Variants in DCAF1 observed in about 807,000 individuals in gnomAD.
DCAF1 encodes DDB1- and CUL4-associated factor 1.
In DCAF1, 15 loss-of-function variants were observed where a neutral mutation model predicts 128.0. That is an observed-to-expected ratio of 0.12 (90% CI 0.08 to 0.18). DCAF1 has a LOEUF of 0.18. Ranked by LOEUF, DCAF1 falls within the 10% of genes least tolerant of loss-of-function variation. The pLI, the probability that DCAF1 is intolerant of heterozygous loss-of-function variation, is 1.00. For synonymous variants in DCAF1, 610 were observed against 603.0 expected, an observed-to-expected ratio of 1.01 and a Z score of -0.17; for missense variants, 988 against 1,649.5, an observed-to-expected ratio of 0.60 and a Z score of 6.95.
Position 51,433,091 on chromosome 3 carries a change from G to A in DCAF1, c.1287+15C>T, listed in dbSNP as rs1359047254. 5.0e-6 allele frequency: 2 copies of A among 398,266 alleles called. No individual in the cohort carries two copies. The highest frequency in any genetic ancestry group is 8.8e-6 in the Non-Finnish European group (2 of 226,016). The allele number at this position is 398,266 out of a possible 1,614,324, so 24.7% of individuals were successfully genotyped here. The stretch of plus-strand genomic sequence containing the variant: ...AACCTAATCTCATCCCCACAAACCT[G>A]TATAGATGACTTACTCTTTCCATGG... On this transcript the variant is annotated intron_variant, in intron 10 of 24. Transcript: ENST00000684031.
At chr3:51,488,029 T>G (rs1559576761) in intron 2 of DCAF1, among the ~76,000 whole-genome samples, 2 of 151,956 alleles carry the variant, frequency 1.3e-5, no homozygotes, top group African/African-American at 4.8e-5. Flanking sequence ...CATGCCCGGC[T>G]AATTTTTGTA....
chr3:51,464,664 G>C (rs901844548), intron 5 of DCAF1, among the ~76,000 whole-genome samples: 2 of 151,340 alleles, frequency 1.3e-5, no homozygotes, highest in South Asian at 4.2e-4. Flanking sequence ...TGCACTCAGC[G>C]TGAGATGCTG....
chr3:51,485,726 A>G, intron 2 of DCAF1, among the ~76,000 whole-genome samples: 1 of 152,322 alleles, frequency 6.6e-6, no homozygotes, highest in African/African-American at 2.4e-5. Context: ...TCATTATTGC[A>G]TTGCATTATT....
chr3:51,431,750 G>C (rs1459381834), intron 10 of DCAF1, among the ~76,000 whole-genome samples: 6 of 151,370 alleles, frequency 4.0e-5, no homozygotes, highest in African/African-American at 1.5e-4. Flanking sequence ...CCAGGCGTCG[G>C]AGACCAGCCT....
chr3:51,430,686 A>C (rs6779163), intron 10 of DCAF1, among the ~76,000 whole-genome samples: 1,592 of 152,304 alleles, frequency 0.01, 40 homozygotes, highest in African/African-American at 0.035. Context: ...GGTTTCCTTG[A>C]TATTTTTTTC....
intron 2 of DCAF1, among the ~76,000 whole-genome samples, chr3:51,487,707 T>C (rs79023824): frequency 0.074 from 11,172 of 151,942 alleles, 969 homozygotes; most frequent in East Asian, 0.33. Context: ...TTCCTCTCCC[T>C]TTTTTTCTTT....
chr3:51,457,678 C>T (rs1456916404), intron 6 of DCAF1, among the ~76,000 whole-genome samples: 3 of 151,954 alleles, frequency 2.0e-5, no homozygotes, highest in Non-Finnish European at 4.4e-5. Flanking sequence ...GTCGGGTTAC[C>T]CACAAAGGGA....
chr3:51,417,644 C>T (rs1018936020), intron 17 of DCAF1, among the ~76,000 whole-genome samples: 8 of 151,740 alleles, frequency 5.3e-5, no homozygotes, highest in Middle Eastern at 6.9e-3. Context: ...GGTGTGAACC[C>T]GGGAGGCGGA....
rs140918498 is a variant in DCAF1, at chr3:51,462,059, T to C, written c.375+1055A>G. 4.0e-3 allele frequency among the ~76,000 whole-genome samples: 604 copies of C among 150,466 alleles called. 2 individuals are homozygous for C. The highest frequency in any genetic ancestry group is 0.012 in the African/African-American group (488 of 40,988). On this transcript the variant is annotated intron_variant, in intron 6 of 24. Transcript: ENST00000684031. ...CACATGTACCCTAAAACTTAAAGTA[T>C]AATAATAATAAAATTAAAAAAAAAA...
intron 7 of DCAF1, among the ~76,000 whole-genome samples, chr3:51,443,301 C>T (rs1249899143): frequency 2.0e-5 from 3 of 151,892 alleles, no homozygotes; most frequent in Non-Finnish European, 2.9e-5. Context: ...TTAAAAGTAG[C>T]TATTTTCTGC....
Position 51,420,263 on chromosome 3 carries a change from G to A in DCAF1, c.2707C>T (p.Pro903Ser). The A allele has an allele frequency of 2.5e-6, 4 of 1,614,020 alleles. No individual in the cohort carries two copies. The highest frequency in any genetic ancestry group is 3.4e-6 in the Non-Finnish European group (4 of 1,179,894). The change falls in exon 15 of 25, where the codon CCT becomes TCT. Residue 903 changes from proline to serine, a missense_variant. Physicochemically the swap from Pro to Ser is moderately conservative, Grantham distance 74. This residue lies in a region of DCAF1 where 88 missense variants were observed against 107.7 expected (regional missense o/e 0.82). Coordinates refer to ENST00000684031, the MANE Select transcript of DCAF1 (RefSeq NM_001387579.1). This position sits in a 1 kb window ranked among gnomAD's most constrained non-coding sequence, Gnocchi z 6.5. ...GTTGCAATGCCATTAGCGATACGAG[G>A]GGTTCGGGGTAGAGAGACAGGAGAA... ...AASPVSLPRT[P>S]RIANGIATRL...
Position 51,479,664 on chromosome 3 carries a change from C to T in DCAF1, c.110+4055G>A, listed in dbSNP as rs556155771. Among the ~76,000 whole-genome samples the T allele has an allele frequency of 7.9e-5, 12 of 151,876 alleles. No homozygotes were observed. In the South Asian group the frequency reaches 1.2e-3, roughly 16 times the overall value. ...ATAAAAAATTAGCCCAGTGTGGTGG[C>T]GGGCACCTGTAGTCCCAGCTGCTCA... On this transcript the variant is annotated intron_variant, in intron 3 of 24. Coordinates refer to ENST00000684031, the MANE Select transcript of DCAF1 (RefSeq NM_001387579.1).
chr3:51,442,706 A>C (rs11715083), intron 7 of DCAF1, among the ~76,000 whole-genome samples: 1 of 152,122 alleles, frequency 6.6e-6, no homozygotes, highest in Non-Finnish European at 1.5e-5. Flanking sequence ...TCTCAAAAAA[A>C]GAAAAAAAAA....
Position 51,463,432 on chromosome 3 carries a change from AT to A in DCAF1, c.262-206del, listed in dbSNP as rs201674069. On this transcript the variant is annotated intron_variant, in intron 5 of 24. Transcript: ENST00000684031. ...CTGAGCCATGGTGATACCACACATAATTTCTTCTGCAGCTTTAAAGCCAAAT... is the reference window on the plus strand; with the variant it reads ...CTGAGCCATGGTGATACCACACATAATTCTTCTGCAGCTTTAAAGCCAAAT... Among the ~76,000 whole-genome samples the A allele has an allele frequency of 4.3e-3, 662 of 152,264 alleles. 4 individuals carry two copies. Among genetic ancestry groups the A allele is most frequent in the African/African-American group, 0.015 (630 of 41,542 alleles).
intron 10 of DCAF1, 43 bp downstream of exon 10, chr3:51,433,063 C>T (rs923101551): frequency 4.3e-5 from 17 of 398,044 alleles, no homozygotes; most frequent in Non-Finnish European, 7.5e-5. Context: ...AGAGGTTATC[C>T]CCAACCTAAT....
intron 11 of DCAF1, among the ~76,000 whole-genome samples, 164 bp downstream of exon 11, chr3:51,429,869 A>G (rs541310258): frequency 1.8e-4 from 27 of 152,232 alleles, no homozygotes; most frequent in Non-Finnish European, 3.7e-4. Flanking sequence ...CTAAAGAAAA[A>G]GAGAAATTTG....
intron 3 of DCAF1, among the ~76,000 whole-genome samples, chr3:51,478,764 G>A (rs1366825072): frequency 1.3e-5 from 2 of 151,940 alleles, no homozygotes; most frequent in Non-Finnish European, 2.9e-5. Context: ...GCTGGGATTA[G>A]AGGCATAAAC....
chr3:51,397,081 G>T (rs1354339322), downstream of DCAF1: 1 of 167,084 alleles, frequency 6.0e-6, no homozygotes, highest in Non-Finnish European at 1.5e-5. Flanking sequence ...TAGCCGTCTT[G>T]TGTTTCTTGT....
intron 10 of DCAF1, among the ~76,000 whole-genome samples, chr3:51,431,550 A>G (rs1432448437): frequency 6.6e-6 from 1 of 151,752 alleles, no homozygotes; most frequent in Non-Finnish European, 1.5e-5. Flanking sequence ...ATTATATATG[A>G]AAGAGTCTTA....
Sources: allele counts gnomAD v4.1 joint callset (sites outside exome capture counted in the v4.1 genomes callset), GRCh38; gene constraint gnomAD v4.1.1; regional missense constraint gnomAD v4.1.1; non-coding constraint Gnocchi (gnomAD v3.1); transcripts MANE v1.5; gene names NCBI Gene and HGNC (gene_info 2026-07-23, HGNC 2026-07-21).